The following CUL9 variants were observed in gnomAD, a reference collection of about 807,000 sequenced individuals.
CUL9 encodes cullin 9, also known as cullin-9.
In CUL9, 79 loss-of-function variants were observed where a neutral mutation model predicts 272.6. The observed-to-expected ratio is 0.29, with a 90% CI of 0.24 to 0.35. The LOEUF is 0.35. Ranked by LOEUF, CUL9 falls within the 10% of genes least tolerant of loss-of-function variation. The pLI, the probability that CUL9 is intolerant of heterozygous loss-of-function variation, is 1.00. For missense variants in CUL9, 2,532 were observed against 3,255.6 expected, an observed-to-expected ratio of 0.78 and a Z score of 5.41; for synonymous variants, 1,186 against 1,286.5, an observed-to-expected ratio of 0.92 and a Z score of 1.67.
rs1203803755 is a variant in CUL9, at chr6:43,214,940, G to T, written c.5689-139G>T. ...TGCAGTGAGCTGTGATCAGGCCACTGCACTCTGGCCTGGGTGACAGAGCAA... is the reference window on the plus strand; with the variant it reads ...TGCAGTGAGCTGTGATCAGGCCACTTCACTCTGGCCTGGGTGACAGAGCAA... On this transcript the variant is annotated intron_variant, in intron 29 of 40. Coordinates refer to ENST00000252050, the MANE Select transcript of CUL9 (RefSeq NM_015089.4). 3 of 947,256 alleles carry T rather than the reference G, an allele frequency of 3.2e-6. No homozygotes were observed. The East Asian group carries it at 7.9e-5, about 25-fold the overall frequency. The allele number at this position is 947,256 out of a possible 1,614,324, so 58.7% of individuals were successfully genotyped here.
rs1030425393 is a variant in CUL9 at position 43,193,070 on chromosome 6, G to A, written c.2250G>A (p.Gln750=). ...TGGGAGAGAAGATGGTGGTCGTGCA[G>A]GCCCTGCGCCTCCTTTACCTGCTCA... ...NQVGEKMVVV[Q]ALRLLYLLMT... is the part of the protein sequence containing the mutation. Residue 750 remains glutamine, a synonymous_variant, in exon 9 of 41, where the codon CAG becomes CAA. Transcript: ENST00000252050. 6.2e-7 allele frequency: 1 copy of A among 1,614,244 alleles called. No individual in the cohort carries two copies. Among genetic ancestry groups the A allele is most frequent in the Admixed American group, 1.7e-5 (1 of 60,028 alleles).
rs1400947627 is a variant in CUL9, at chr6:43,184,677, G to C, written c.367G>C (p.Val123Leu). 6.2e-7 allele frequency: 1 copy of C among 1,612,624 alleles called. No individual in the cohort carries two copies. Among genetic ancestry groups the C allele is most frequent in the Non-Finnish European group, 8.5e-7 (1 of 1,178,712 alleles). The change falls in exon 2 of 41, where the codon GTA becomes CTA. Residue 123 changes from valine (V) to leucine (L), a missense_variant. This residue lies in a region of CUL9 where 2,218 missense variants were observed against 2,788.6 expected (regional missense o/e 0.80). Transcript: ENST00000252050. The surrounding 1 kb of genome is among the most constrained non-coding windows in gnomAD (Gnocchi z 4.8). ...GATGGAGGCTGATGTTCAGGCGCTG[G>C]TACGCAGGGCGGCCAGGCAGCTGGC... Reference protein sequence around the residue: ...GEMEADVQALVRRAARQLAES... With the variant: ...GEMEADVQALLRRAARQLAES...
At position 43,222,379 on chromosome 6, in the gene CUL9, C is replaced by T; in HGVS notation, c.6910C>T (p.His2304Tyr). Reference sequence around the variant, plus strand: ...CTATAATGAGAGGTGCACTTTCCATCACCAGGCGCGGGTGAGTCGGGAGGA... The same window carrying T: ...CTATAATGAGAGGTGCACTTTCCATTACCAGGCGCGGGTGAGTCGGGAGGA... ...QDYNERCTFH[H>Y]QAREFAVNLR... Residue 2304 changes from histidine (H) to tyrosine (Y), a missense_variant, in exon 36 of 41, where the codon CAC (histidine) becomes TAC (tyrosine). Physicochemically the swap from His to Tyr is moderately conservative, Grantham distance 83. Around this residue, in one of 3 missense-constraint regions of CUL9, gnomAD observed 237 missense variants for 305.9 expected, o/e 0.77. Coordinates refer to ENST00000252050, the MANE Select transcript of CUL9 (RefSeq NM_015089.4). The T allele has an allele frequency of 6.2e-7, 1 of 1,613,754 alleles. No homozygotes were observed.
At position 43,199,989 on chromosome 6, in the gene CUL9, G is replaced by A. The variant is rs1164836845; in HGVS notation, c.3217G>A (p.Val1073Met). The change falls in exon 14 of 41, where the codon GTG becomes ATG. Residue 1073 changes from valine to methionine, a missense_variant. By Grantham distance (21) the Val-to-Met change is conservative. Coordinates refer to ENST00000252050, the MANE Select transcript of CUL9 (RefSeq NM_015089.4). This position sits in a 1 kb window ranked among gnomAD's most constrained non-coding sequence, Gnocchi z 4.4. Reference sequence around the variant, plus strand: ...GGCCTCGATGCATAAGGACTATGCTGTGGTGCTCTGCTGCCTGGGAGCAAA... The same window carrying A: ...GGCCTCGATGCATAAGGACTATGCTATGGTGCTCTGCTGCCTGGGAGCAAA... ...RLASMHKDYAVVLCCLGAKEI... is the reference protein window; with the variant it reads ...RLASMHKDYAMVLCCLGAKEI... The A allele has an allele frequency of 3.7e-6, 6 of 1,614,104 alleles. No individual in the cohort carries two copies. Among genetic ancestry groups the A allele is most frequent in the Middle Eastern group, 1.6e-4 (1 of 6,084 alleles).
In CUL9 at chr6:43,205,255, G is replaced by A. The variant is rs765353735; in HGVS notation, c.4633-8G>A. 2.5e-6 allele frequency: 4 copies of A among 1,612,038 alleles called. No individual in the cohort carries two copies. In the Admixed American group the frequency reaches 6.7e-5, roughly 27 times the overall value. ...ATGGTTTGCTCATGCCCTTTCCCCTGCCCCCAGATGAGTGAGCAGTTTGCC... is the reference window on the plus strand; with the variant it reads ...ATGGTTTGCTCATGCCCTTTCCCCTACCCCCAGATGAGTGAGCAGTTTGCC... On this transcript the variant is annotated splice_region_variant and splice_polypyrimidine_tract_variant and intron_variant, in intron 23 of 40. Transcript: ENST00000252050.
chr6:43,185,559 C>T lies in CUL9; in HGVS notation c.699C>T (p.Thr233=). 1 of 1,613,846 alleles carries T rather than the reference C, an allele frequency of 6.2e-7. No individual in the cohort carries two copies. The highest frequency in any genetic ancestry group is 1.1e-5 in the South Asian group (1 of 91,080). Residue 233 remains threonine, a synonymous_variant, in exon 3 of 41, where the codon ACC becomes ACT. Coordinates refer to ENST00000252050, the MANE Select transcript of CUL9 (RefSeq NM_015089.4). ...CATTGCTGGAGCTGTTTGCAGAAAC[C>T]ACATCCTCTGAAGAACACTGCATGG... ...RYTLLELFAE[T]TSSEEHCMAF...
At chr6:43,219,415 G>T (rs1387959421) in intron 31 of CUL9, among the ~76,000 whole-genome samples, 1 of 152,240 alleles carries the variant, frequency 6.6e-6, no homozygotes, top group Non-Finnish European at 1.5e-5. Flanking sequence ...TGCCAGGGCA[G>T]AGGGGGACCC....
intron 7 of CUL9, 115 bp downstream of exon 7, chr6:43,188,233 A>G: frequency 7.9e-7 from 1 of 1,258,534 alleles, no homozygotes; most frequent in Non-Finnish European, 1.1e-6. Flanking sequence ...TTGCAGGGGA[A>G]AATGCCTTGG....
At chr6:43,204,895 GC>G (rs1562042835) in intron 22 of CUL9, 37 bp from the exon 23 acceptor site, 1 of 1,612,118 alleles carries the variant, frequency 6.2e-7, no homozygotes, top group South Asian at 1.1e-5. Context: ...GAGGGGAGGG[GC>G]TGCTCCTTTT....
chr6:43,214,992 GA>G (rs888873758), intron 29 of CUL9, 86 bp from the exon 30 acceptor site: 56 of 1,464,252 alleles, frequency 3.8e-5, no homozygotes, highest in African/African-American at 1.6e-4. Context: ...AAAAGGGGGG[GA>G]AAAATAAGTG....
chr6:43,213,346 T>C lies in CUL9; in HGVS notation c.5358+52T>C. ...CCTTCTCTGCTACCTTATCTGTCGC[T>C]GTTCTCCTCCTAAACCCTGTTCCTC... is the stretch of plus-strand genomic sequence containing the variant. On this transcript the variant is annotated intron_variant, in intron 27 of 40. Coordinates refer to ENST00000252050, the MANE Select transcript of CUL9 (RefSeq NM_015089.4). The surrounding 1 kb of genome is among the most constrained non-coding windows in gnomAD (Gnocchi z 5.7). The C allele has an allele frequency of 1.2e-6, 2 of 1,611,514 alleles. No homozygotes were observed. Among genetic ancestry groups the C allele is most frequent in the Non-Finnish European group, 1.7e-6 (2 of 1,178,048 alleles).
chr6:43,216,568 G>A (rs1487805528), intron 31 of CUL9, 65 bp downstream of exon 31: 3 of 1,437,512 alleles, frequency 2.1e-6, no homozygotes, highest in East Asian at 4.6e-5. Context: ...AATTCCTTGG[G>A]AATTCTTGGG....
intron 2 of CUL9, 87 bp from the exon 3 acceptor site, chr6:43,185,369 C>T (rs901886303): frequency 4.4e-5 from 62 of 1,410,836 alleles, no homozygotes; most frequent in Non-Finnish European, 5.8e-5. Context: ...AGTTTGAAAG[C>T]GTCTGGGGTA....
At chr6:43,183,724 T>A (rs1250586344) in intron 1 of CUL9, among the ~76,000 whole-genome samples, 1 of 151,660 alleles carries the variant, frequency 6.6e-6, no homozygotes, top group Non-Finnish European at 1.5e-5. Flanking sequence ...CTTCCTTCCT[T>A]CCTTCCTTCC....
chr6:43,214,225 GC>G (rs558788511), intron 29 of CUL9, among the ~76,000 whole-genome samples: 1 of 152,138 alleles, frequency 6.6e-6, no homozygotes, highest in Non-Finnish European at 1.5e-5. Context: ...TTTGATACCA[GC>G]CTGGCCAACA....
intron 8 of CUL9, among the ~76,000 whole-genome samples, chr6:43,191,481 A>ATTTTTTTTTTTTTTTTTTTTTTTTTTTTT (rs34090146): frequency 3.1e-5 from 3 of 97,450 alleles, no homozygotes; most frequent in Admixed American, 2.1e-4. Context: ...CACCCAGCTA[A>ATTTTTTTTTTTTTTTTTTTTTTTTTTTTT]TTTTTTTTTT....
chr6:43,202,913 A>G (rs1302507161), intron 17 of CUL9, 92 bp downstream of exon 17: 1 of 1,323,218 alleles, frequency 7.6e-7, no homozygotes, highest in African/African-American at 1.4e-5. Flanking sequence ...GGGAATGGTG[A>G]CATCCCTTCC....
chr6:43,223,686 CTG>C lies in CUL9; in HGVS notation c.7284+291_7284+292del. The C allele has an allele frequency of 1.9e-6, 1 of 528,132 alleles. No individual in the cohort carries two copies. Among genetic ancestry groups the C allele is most frequent in the Non-Finnish European group, 3.4e-6 (1 of 294,650 alleles). The allele number at this position is 528,132 out of a possible 1,614,324, so 32.7% of individuals were successfully genotyped here. On this transcript the variant is annotated intron_variant, in intron 39 of 40. Coordinates refer to ENST00000252050, the MANE Select transcript of CUL9 (RefSeq NM_015089.4). The surrounding 1 kb of genome is among the most constrained non-coding windows in gnomAD (Gnocchi z 4.1). Reference sequence around the variant, plus strand: ...GAATCACTTGGGGAACTTTTCCAGACTGTACTTCCCAGATAGGGATTTGAAAT... The same window carrying C: ...GAATCACTTGGGGAACTTTTCCAGACTACTTCCCAGATAGGGATTTGAAAT...
rs371581531 is a variant in CUL9, at chr6:43,204,425, C to A, written c.4225C>A (p.Arg1409=). 2 of 1,614,170 alleles carry A rather than the reference C, an allele frequency of 1.2e-6. No individual in the cohort carries two copies. Among genetic ancestry groups the A allele is most frequent in the Non-Finnish European group, 1.7e-6 (2 of 1,180,030 alleles). The stretch of plus-strand genomic sequence containing the variant: ...GTACTTAGAACAGAGAGAGACCTCT[C>A]GGAACCCCTTGAGTCGAGCAGCGTC... The part of the protein sequence containing the change: ...DQYLEQRETS[R]NPLSRAASFA... Residue 1409 remains arginine, a synonymous_variant, in exon 21 of 41, where the codon CGG becomes AGG. Coordinates refer to ENST00000252050, the MANE Select transcript of CUL9 (RefSeq NM_015089.4).
Sources: gnomAD v4.1 joint callset for allele counts (sites outside exome capture counted in the v4.1 genomes callset) on GRCh38, gnomAD v4.1.1 for gene constraint, gnomAD v4.1.1 regional missense constraint, Gnocchi (gnomAD v3.1) non-coding constraint, MANE v1.5 for transcripts, NCBI Gene and HGNC (gene_info 2026-07-23, HGNC 2026-07-21) for gene names.